The following DEK variants were observed in gnomAD, a reference collection of about 807,000 sequenced individuals.
DEK encodes the protein DEK proto-oncogene, also known as protein DEK.
In DEK, 28 loss-of-function variants were observed where a neutral mutation model predicts 46.8. That is an observed-to-expected ratio of 0.60 (90% CI 0.44 to 0.82). The LOEUF (loss-of-function observed/expected upper bound fraction) is 0.82. Among genes scored for constraint, DEK ranks in the 40% least tolerant of loss-of-function variants. The pLI is 0.00. For missense variants in DEK, 416 were observed against 430.6 expected, an observed-to-expected ratio of 0.97 and a Z score of 0.30; for synonymous variants, 160 against 144.5, an observed-to-expected ratio of 1.11 and a Z score of -0.77.
chr6:18,247,968 G>A lies in DEK; in HGVS notation c.762+1683C>T, dbSNP rs1049299885. ...ATTACAGGCATGGGTCACCATGCCC[G>A]GCCTGCCCTCACTTTTTAACCTGCA... On this transcript the variant is annotated intron_variant, in intron 7 of 10. Coordinates refer to ENST00000652689, the MANE Select transcript of DEK (RefSeq NM_003472.4). Among the ~76,000 whole-genome samples the A allele has an allele frequency of 3.9e-5, 6 of 152,056 alleles. No homozygotes were observed. The East Asian group carries it at 7.7e-4, about 20-fold the overall frequency.
At position 18,237,470 on chromosome 6, in the gene DEK, G is replaced by C. The variant is rs761112080; in HGVS notation, c.809C>G (p.Thr270Ser). The C allele has an allele frequency of 1.2e-6, 2 of 1,609,860 alleles. No individual in the cohort carries two copies. The highest frequency in any genetic ancestry group is 4.5e-5 in the East Asian group (2 of 44,688). The change falls in exon 8 of 11, where the codon ACT (threonine) becomes AGT (serine). Residue 270 changes from threonine (T) to serine (S), a missense_variant. Thr to Ser is a moderately conservative substitution (Grantham distance 58). Coordinates refer to ENST00000652689, the MANE Select transcript of DEK (RefSeq NM_003472.4). Reference sequence around the variant, plus strand: ...TTTCACAGATTTTTTACTTTTAGAAGTAGCTTTCTGTTTAGGTTTTTCTCT... The same window carrying C: ...TTTCACAGATTTTTTACTTTTAGAACTAGCTTTCTGTTTAGGTTTTTCTCT... ...AKREKPKQKA[T>S]SKSKKSVKSA...
chr6:18,257,842 C>G, intron 4 of DEK, 111 bp downstream of exon 4: 2 of 652,822 alleles, frequency 3.1e-6, no homozygotes, highest in East Asian at 5.6e-5. Flanking sequence ...ATACCTCAGT[C>G]TGCTCAGTCA....
At chr6:18,241,596 A>G (rs999853921) in intron 7 of DEK, among the ~76,000 whole-genome samples, 2 of 152,158 alleles carry the variant, frequency 1.3e-5, no homozygotes, top group Admixed American at 6.5e-5. Flanking sequence ...GAGCACCTGT[A>G]TATGTTTTTG....
In DEK at chr6:18,224,844, T is replaced by C. The variant is rs1359261222; in HGVS notation, c.*875A>G. 1 of 210,408 alleles carries C rather than the reference T, an allele frequency of 4.8e-6. No individual in the cohort carries two copies. The highest frequency in any genetic ancestry group is 2.3e-5 in the African/African-American group (1 of 44,110). 13.0% of individuals were successfully genotyped at this position (210,408 alleles called of 1,614,324 possible). A position where few individuals can be genotyped will look rare whatever the true frequency, so the allele number is the denominator to read the frequency against. On this transcript the variant is annotated 3_prime_UTR_variant, in exon 11 of 11. Coordinates refer to ENST00000652689, the MANE Select transcript of DEK (RefSeq NM_003472.4). The stretch of plus-strand genomic sequence containing the variant: ...ACCCTTTCCCAAAGTTTTTGAAGCT[T>C]TGATAGGTTGATTTTTGGTCTGTCC...
intron 9 of DEK, among the ~76,000 whole-genome samples, chr6:18,232,535 T>C (rs1296430126): frequency 1.3e-5 from 2 of 152,150 alleles, no homozygotes; most frequent in South Asian, 2.1e-4. Context: ...ACAAAATCAA[T>C]GTGCAAAAAT....
chr6:18,252,584 G>A (rs76504554), intron 6 of DEK, among the ~76,000 whole-genome samples: 12,301 of 140,244 alleles, frequency 0.088, 593 homozygotes, highest in Middle Eastern at 0.15. Context: ...AATCATCACA[G>A]AATCACATAT....
intron 9 of DEK, among the ~76,000 whole-genome samples, chr6:18,227,532 A>G (rs1790194781): frequency 3.3e-5 from 5 of 151,960 alleles, no homozygotes. Context: ...TGACCAATAA[A>G]TACTAAGGGA....
At chr6:18,236,921 G>C (rs1040941342) in intron 8 of DEK, 9 of 203,212 alleles carry the variant, frequency 4.4e-5, no homozygotes, top group African/African-American at 7.0e-5. Flanking sequence ...TCGTGTGACG[G>C]GTCGCAGTCA....
intron 2 of DEK, among the ~76,000 whole-genome samples, chr6:18,262,960 C>A (rs1041124909): frequency 2.0e-5 from 3 of 152,098 alleles, no homozygotes; most frequent in African/African-American, 7.2e-5. Context: ...AGGAAGAGCG[C>A]TTCAACCTCT....
chr6:18,237,263 T>C, intron 8 of DEK, 118 bp downstream of exon 8: 2 of 1,234,518 alleles, frequency 1.6e-6, no homozygotes, highest in Non-Finnish European at 2.2e-6. Context: ...CTGTATTACT[T>C]CTCCCCGCAA....
At chr6:18,249,598 T>C (rs1372226829) in intron 7 of DEK, 53 bp downstream of exon 7, 4 of 1,461,212 alleles carry the variant, frequency 2.7e-6, no homozygotes, top group African/African-American at 1.4e-5. Flanking sequence ...AGCAGAAATA[T>C]TTAACTCTCC....
At chr6:18,226,986 A>G (rs139519828) in intron 9 of DEK, among the ~76,000 whole-genome samples, 3 of 152,298 alleles carry the variant, frequency 2.0e-5, no homozygotes, top group African/African-American at 7.2e-5. Context: ...GCTCGTTAAC[A>G]GTCATCACCA....
intron 9 of DEK, among the ~76,000 whole-genome samples, chr6:18,234,151 C>A (rs1045690035): frequency 1.5e-5 from 2 of 135,188 alleles, no homozygotes; most frequent in African/African-American, 5.7e-5. Flanking sequence ...AACGCTTGGA[C>A]ACAGGAAGGG....
At chr6:18,259,155 G>A (rs1348002821) in intron 2 of DEK, among the ~76,000 whole-genome samples, 8 of 151,718 alleles carry the variant, frequency 5.3e-5, no homozygotes, top group Admixed American at 5.3e-4. Flanking sequence ...TCGGTCAGGA[G>A]ATCGAGACCA....
intron 9 of DEK, among the ~76,000 whole-genome samples, chr6:18,232,539 C>CA (rs1354641680): frequency 1.3e-5 from 2 of 152,212 alleles, no homozygotes; most frequent in South Asian, 4.1e-4. Context: ...AATCAATGTG[C>CA]AAAAATCACA....
intron 6 of DEK, among the ~76,000 whole-genome samples, chr6:18,254,890 T>C (rs1322120651): frequency 1.3e-5 from 2 of 152,202 alleles, no homozygotes; most frequent in Non-Finnish European, 2.9e-5. Flanking sequence ...TGTTTATCTG[T>C]CCTCGTGCAG....
chr6:18,249,202 C>T (rs1249752898), intron 7 of DEK, among the ~76,000 whole-genome samples: 2 of 152,170 alleles, frequency 1.3e-5, no homozygotes, highest in Non-Finnish European at 2.9e-5. Context: ...TGTTTATTCT[C>T]ACTACATAGT....
chr6:18,229,694 A>C (rs1474235196), intron 9 of DEK, among the ~76,000 whole-genome samples: 1 of 152,098 alleles, frequency 6.6e-6, no homozygotes, highest in Non-Finnish European at 1.5e-5. Context: ...AGTAAAAAGA[A>C]ACAAACAAAG....
intron 7 of DEK, among the ~76,000 whole-genome samples, chr6:18,246,214 T>C (rs1791110485): frequency 6.6e-6 from 1 of 152,238 alleles, no homozygotes; most frequent in African/African-American, 2.4e-5. Context: ...ACCTGTTTAT[T>C]TTCCTATTTC....
Sources: allele counts gnomAD v4.1 joint callset (sites outside exome capture counted in the v4.1 genomes callset), GRCh38; gene constraint gnomAD v4.1.1; transcripts MANE v1.5; gene names NCBI Gene and HGNC (gene_info 2026-07-23, HGNC 2026-07-21).